RGS6: variants seen among roughly 807,000 people sequenced by gnomAD.
RGS6 encodes regulator of G-protein signaling 6.
In RGS6, 30 loss-of-function variants were observed where a neutral mutation model predicts 78.5. The ratio of observed to expected loss-of-function variants is 0.38; its 90% CI spans 0.29 to 0.52. The LOEUF (loss-of-function observed/expected upper bound fraction) is 0.52, where lower values mean the gene tolerates loss of function less well. Among genes scored for constraint, RGS6 ranks in the 20% least tolerant of loss-of-function variants. The pLI, the probability that RGS6 is intolerant of heterozygous loss-of-function variation, is 0.85. For synonymous variants in RGS6, 206 were observed against 206.0 expected (o/e 1.00, Z 0.00); for missense variants, 495 against 609.7 (o/e 0.81, Z 1.98).
intron 2 of RGS6, among the ~76,000 whole-genome samples, chr14:72,180,583 C>G (rs1439097532): frequency 1.3e-5 from 2 of 152,188 alleles, no homozygotes; most frequent in Non-Finnish European, 2.9e-5. Context: ...GGTTTATTAT[C>G]AATTTGAAAA....
intron 2 of RGS6, among the ~76,000 whole-genome samples, chr14:72,196,261 T>C (rs1025773658): frequency 4.6e-5 from 7 of 152,210 alleles, no homozygotes; most frequent in South Asian, 4.1e-4. Flanking sequence ...GAGCCCACTG[T>C]GGGTTTTTGC....
At chr14:72,238,463 T>C (rs1323585338) in intron 2 of RGS6, among the ~76,000 whole-genome samples, 1 of 152,206 alleles carries the variant, frequency 6.6e-6, no homozygotes, top group Non-Finnish European at 1.5e-5. Flanking sequence ...ATGTGTACTT[T>C]ACATCCTCCC....
At chr14:72,470,888 A>G in intron 8 of RGS6, among the ~76,000 whole-genome samples, 1 of 151,578 alleles carries the variant, frequency 6.6e-6, no homozygotes, top group African/African-American at 2.4e-5. Flanking sequence ...TCAAAAAAAA[A>G]AAAAAAAAAC....
intron 2 of RGS6, among the ~76,000 whole-genome samples, chr14:72,088,764 C>T (rs1382385205): frequency 6.6e-6 from 1 of 152,152 alleles, no homozygotes; most frequent in African/African-American, 2.4e-5. Flanking sequence ...CATGCTCTAG[C>T]CCCTGCCTAT....
chr14:72,464,463 T>C (rs2095852788), intron 6 of RGS6, among the ~76,000 whole-genome samples: 1 of 152,152 alleles, frequency 6.6e-6, no homozygotes, highest in African/African-American at 2.4e-5. Context: ...GCTGCTAGCT[T>C]CCAGGCTCCA....
intron 15 of RGS6, among the ~76,000 whole-genome samples, chr14:72,521,262 C>T (rs1333588251): frequency 3.9e-5 from 6 of 152,212 alleles, no homozygotes; most frequent in Admixed American, 1.3e-4. Flanking sequence ...TTATACTACA[C>T]AGAGCAGTCT....
At chr14:72,476,708 G>C in intron 10 of RGS6, 34 bp from the exon 11 acceptor site, 1 of 1,594,802 alleles carries the variant, frequency 6.3e-7, no homozygotes, top group Non-Finnish European at 8.6e-7. Flanking sequence ...AATTCTGTGG[G>C]TGGATGATCC....
the RGS6 span, among the ~76,000 whole-genome samples, chr14:72,602,437 G>A: frequency 2.0e-5 from 3 of 152,162 alleles, no homozygotes; most frequent in African/African-American, 4.8e-5. Context: ...TTTCTCAGAC[G>A]AGGAAATTGA....
chr14:72,376,707 T>C (rs2084814107), intron 3 of RGS6, among the ~76,000 whole-genome samples: 1 of 152,082 alleles, frequency 6.6e-6, no homozygotes, highest in Non-Finnish European at 1.5e-5. Context: ...AAATAAAACT[T>C]GCCATTCAAT....
At chr14:72,412,764 T>G (rs1407751678) in intron 3 of RGS6, among the ~76,000 whole-genome samples, 4 of 152,356 alleles carry the variant, frequency 2.6e-5, no homozygotes, top group East Asian at 3.9e-4. Context: ...TCTGGTATGT[T>G]GTGTCTTTGT....
intron 7 of RGS6, 95 bp downstream of exon 7, chr14:72,465,917 T>C (rs2153275665): frequency 3.0e-6 from 3 of 988,684 alleles, no homozygotes; most frequent in Non-Finnish European, 4.6e-6. Flanking sequence ...TTTGTCCCCC[T>C]TTTGTCCCTT....
chr14:72,160,157 T>C (rs760478147), intron 2 of RGS6, among the ~76,000 whole-genome samples: 63 of 152,302 alleles, frequency 4.1e-4, no homozygotes, highest in Admixed American at 7.2e-4. Flanking sequence ...TAAATGTAGA[T>C]ATAAGCTAAA....
chr14:72,024,263 C>A (rs8021632), intron 2 of RGS6, among the ~76,000 whole-genome samples: 1 of 152,144 alleles, frequency 6.6e-6, no homozygotes, highest in East Asian at 1.9e-4. Context: ...GAACCTTGCC[C>A]CTGTGCACAC....
At chr14:72,061,257 C>T (rs1353271201) in intron 2 of RGS6, among the ~76,000 whole-genome samples, 1 of 152,164 alleles carries the variant, frequency 6.6e-6, no homozygotes, top group Non-Finnish European at 1.5e-5. Context: ...AAATTATTGA[C>T]AACCTGTACT....
At chr14:72,098,559 A>G (rs113895961) in intron 2 of RGS6, among the ~76,000 whole-genome samples, 9 of 152,354 alleles carry the variant, frequency 5.9e-5, no homozygotes, top group African/African-American at 2.2e-4. Flanking sequence ...TCTTGCAGAT[A>G]TATTTTGATT....
chr14:72,364,713 A>G (rs113207122), intron 3 of RGS6, among the ~76,000 whole-genome samples: 22 of 152,228 alleles, frequency 1.4e-4, no homozygotes, highest in African/African-American at 3.9e-4. Context: ...CGTACTGTCC[A>G]TACCTACATG....
the RGS6 span, among the ~76,000 whole-genome samples, chr14:72,580,308 C>A: frequency 3.9e-5 from 5 of 129,186 alleles, no homozygotes; most frequent in African/African-American, 1.9e-4. Context: ...GCAAAAATGT[C>A]CCCCCCACCC....
At chr14:71,914,423 A>T in the RGS6 span, among the ~76,000 whole-genome samples, 1 of 152,052 alleles carries the variant, frequency 6.6e-6, no homozygotes. Context: ...CACTTTTCTT[A>T]TCTTTCCTTT....
intron 2 of RGS6, among the ~76,000 whole-genome samples, chr14:72,271,564 TGA>T (rs1352670487): frequency 1.3e-5 from 2 of 152,234 alleles, no homozygotes; most frequent in African/African-American, 4.8e-5. Flanking sequence ...AATGAGCCTG[TGA>T]GAGAATGGTG....
Sources: gnomAD v4.1 joint callset for allele counts (sites outside exome capture counted in the v4.1 genomes callset) on GRCh38, gnomAD v4.1.1 for gene constraint, MANE v1.5 for transcripts, NCBI Gene and HGNC (gene_info 2026-07-23, HGNC 2026-07-21) for gene names.